Variants in HDAC9 observed in about 807,000 individuals in gnomAD.
HDAC9 encodes histone deacetylase 9.
A neutral mutation model predicts 139.4 loss-of-function variants in HDAC9; 41 were observed. The observed-to-expected ratio is 0.29, with a 90% CI of 0.23 to 0.38. The LOEUF is 0.38. Among genes scored for constraint, HDAC9 ranks in the 10% least tolerant of loss-of-function variants. The pLI, the probability that HDAC9 is intolerant of heterozygous loss-of-function variation, is 1.00. For synonymous variants in HDAC9, 517 were observed against 476.2 expected (o/e 1.09, Z -1.12); for missense variants, 1,147 against 1,297.0 (o/e 0.88, Z 1.78).
chr7:18,530,657 A>G (rs1563166865), intron 2 of HDAC9, among the ~76,000 whole-genome samples: 1 of 152,038 alleles, frequency 6.6e-6, no homozygotes, highest in Non-Finnish European at 1.5e-5. Context: ...GAAATAGGCT[A>G]TTGGTCATGC....
At chr7:18,270,639 A>G (rs549868671) in intron 2 of HDAC9, among the ~76,000 whole-genome samples, 2 of 152,326 alleles carry the variant, frequency 1.3e-5, no homozygotes, top group East Asian at 1.9e-4. Flanking sequence ...GTATGTGTAT[A>G]CATACGTAGT....
In HDAC9 at chr7:18,290,604, A is replaced by C. The variant is rs1026408291; in HGVS notation, c.-42+89A>C. On this transcript the variant is annotated intron_variant, in intron 1 of 3. Coordinates refer to the HDAC9 transcript ENST00000413509. Reference sequence around the variant, plus strand: ...AAGTCTGACTCTGCAAATCGTCTTTAATAACTTGTAGGCTGTGGAAAGATA... The same window carrying C: ...AAGTCTGACTCTGCAAATCGTCTTTCATAACTTGTAGGCTGTGGAAAGATA... 112 of 454,638 alleles carry C rather than the reference A, an allele frequency of 2.5e-4. 1 individual carries two copies. The highest frequency in any genetic ancestry group is 1.6e-4 in the Non-Finnish European group (36 of 226,132). 28.2% of individuals were successfully genotyped at this position (454,638 alleles called of 1,614,324 possible).
Position 18,727,749 on chromosome 7 carries a change from C to T in HDAC9, c.1901C>T (p.Ser634Phe). 1 of 1,524,676 alleles carries T rather than the reference C, an allele frequency of 6.6e-7. No homozygotes were observed. The highest frequency in any genetic ancestry group is 2.4e-5 in the East Asian group (1 of 41,212). The allele number at this position is 1,524,676 out of a possible 1,614,324, so 94.4% of individuals were successfully genotyped here. A position where few individuals can be genotyped will look rare whatever the true frequency, so the allele number is the denominator to read the frequency against. The stretch of plus-strand genomic sequence containing the variant: ...ATGGACCGCCCCCTCCAGCCTGGCT[C>T]TGCAACTGGTAGGAATCCCTAAAGA... ...PAMDRPLQPG[S>F]ATGIAYDPLM... Residue 634 changes from serine to phenylalanine, a missense_variant, in exon 13 of 26, where the codon TCT becomes TTT. Physicochemically the swap from Ser to Phe is radical, Grantham distance 155 (BLOSUM62 -2). Coordinates refer to ENST00000686413, the MANE Select transcript of HDAC9 (RefSeq NM_178425.4).
At chr7:18,109,028 G>A (rs1226485587) in intron 1 of HDAC9, among the ~76,000 whole-genome samples, 2 of 152,180 alleles carry the variant, frequency 1.3e-5, no homozygotes, top group Admixed American at 1.3e-4. Context: ...AAATTTAAAA[G>A]TTTCATGAAA....
intron 25 of HDAC9, among the ~76,000 whole-genome samples, chr7:18,989,171 C>T (rs935176869): frequency 6.7e-6 from 1 of 148,686 alleles, no homozygotes; most frequent in Non-Finnish European, 1.5e-5. Flanking sequence ...ATGGTCTTTA[C>T]ATTTTGGCAT....
At position 18,368,872 on chromosome 7, in the gene HDAC9, G is replaced by T. The variant is rs561091854; in HGVS notation, c.-42+78357G>T. Among the ~76,000 whole-genome samples, 14 of 152,096 alleles carry T rather than the reference G, an allele frequency of 9.2e-5. No homozygotes were observed. The South Asian group carries it at 2.9e-3, about 32-fold the overall frequency. On this transcript the variant is annotated intron_variant, in intron 1 of 3. Transcript: ENST00000413509. ...TGTAACTGATGAACTCACTATGTAG[G>T]CCACAGCCTGATGCTTGAATATATT...
chr7:18,988,504 A>G (rs979815386), intron 25 of HDAC9, among the ~76,000 whole-genome samples: 103 of 151,730 alleles, frequency 6.8e-4, no homozygotes, highest in African/African-American at 2.3e-3. Flanking sequence ...ATTTTGGAAT[A>G]GGTGTGGTGT....
intron 2 of HDAC9, among the ~76,000 whole-genome samples, chr7:18,568,814 G>A (rs1171810635): frequency 3.9e-5 from 6 of 152,080 alleles, no homozygotes; most frequent in South Asian, 2.1e-4. Flanking sequence ...TTGGGAGGCC[G>A]AGGCGGGTGG....
chr7:18,824,044 G>GAA lies in HDAC9; in HGVS notation c.2323-5117_2323-5116insAA, dbSNP rs1795197769. Among the ~76,000 whole-genome samples, 5 of 67,186 alleles carry GAA rather than the reference G, an allele frequency of 7.4e-5. No individual in the cohort carries two copies. In the East Asian group the frequency reaches 1.4e-3, roughly 19 times the overall value. The allele number at this position is 67,186 out of a possible 152,430, so 44.1% of individuals were successfully genotyped here. A position where few individuals can be genotyped will look rare whatever the true frequency, so the allele number is the denominator to read the frequency against. On this transcript the variant is annotated intron_variant, in intron 17 of 25. Coordinates refer to ENST00000686413, the MANE Select transcript of HDAC9 (RefSeq NM_178425.4). The stretch of plus-strand genomic sequence containing the variant: ...AAGAAGAGGAAGAGGAAGAGGAAGA[G>GAA]GAAGAAGAAGAAGAAGAAGAAGAAG...
At chr7:18,826,434 G>C (rs1293847272) in intron 17 of HDAC9, among the ~76,000 whole-genome samples, 1 of 152,118 alleles carries the variant, frequency 6.6e-6, no homozygotes, top group Non-Finnish European at 1.5e-5. Context: ...TGATATTCCT[G>C]AGAGCACAAT....
At chr7:18,590,205 C>A (rs1830556328) in intron 3 of HDAC9, 131 bp from the exon 4 acceptor site, 1 of 946,574 alleles carries the variant, frequency 1.1e-6, no homozygotes, top group Non-Finnish European at 1.6e-6. Context: ...CAATGATTTA[C>A]AGAAAAAGTG....
At chr7:18,913,075 T>C (rs1802879637) in intron 22 of HDAC9, among the ~76,000 whole-genome samples, 1 of 152,132 alleles carries the variant, frequency 6.6e-6, no homozygotes, top group African/African-American at 2.4e-5. Context: ...ATTTCTCTTT[T>C]GTGTCAGAGA....
At chr7:18,283,379 C>A (rs1797230456) in intron 2 of HDAC9, among the ~76,000 whole-genome samples, 1 of 152,132 alleles carries the variant, frequency 6.6e-6, no homozygotes, top group Non-Finnish European at 1.5e-5. Context: ...GCCCCTCCAC[C>A]AATATGTGAG....
intron 1 of HDAC9, among the ~76,000 whole-genome samples, chr7:18,457,445 T>C (rs2128107071): frequency 6.6e-6 from 1 of 152,340 alleles, no homozygotes; most frequent in East Asian, 1.9e-4. Context: ...TAAATTTGAT[T>C]TGCCTTCAAA....
Position 18,814,950 on chromosome 7 carries a change from A to G in HDAC9, c.2323-14211A>G, listed in dbSNP as rs114711730. On this transcript the variant is annotated intron_variant, in intron 17 of 25. Coordinates refer to ENST00000686413, the MANE Select transcript of HDAC9 (RefSeq NM_178425.4). The stretch of plus-strand genomic sequence containing the variant: ...TTTATAAATCTGATTGAAAATGTTT[A>G]TAGGTAACGAATGATGGTGAAAATA... Among the ~76,000 whole-genome samples, 497 of 152,270 alleles carry G rather than the reference A, an allele frequency of 3.3e-3. 3 individuals are homozygous for G. The highest frequency in any genetic ancestry group is 0.011 in the African/African-American group (467 of 41,560).
rs1360606826 is a variant in HDAC9 at position 18,619,196 on chromosome 7, A to G, written c.665-10154A>G. Among the ~76,000 whole-genome samples the G allele has an allele frequency of 3.3e-5, 5 of 152,140 alleles. No homozygotes were observed. The East Asian group carries it at 7.7e-4, about 23-fold the overall frequency. ...ATTTGTGATGCTTGCCAGAAAAGAG[A>G]AATTCCTTCTGCATTCCACATCTGA... On this transcript the variant is annotated intron_variant, in intron 6 of 25. Transcript: ENST00000686413.
chr7:18,697,211 T>C (rs953643086), intron 12 of HDAC9, among the ~76,000 whole-genome samples: 2 of 152,202 alleles, frequency 1.3e-5, no homozygotes, highest in East Asian at 1.9e-4. Context: ...GATCACATCC[T>C]GGCAGATGAG....
chr7:18,465,858 G>A (rs1270965557), intron 1 of HDAC9, among the ~76,000 whole-genome samples: 1 of 152,078 alleles, frequency 6.6e-6, no homozygotes. Context: ...TTTTTCTAAT[G>A]TGGAGATATA....
At chr7:18,381,699 C>G (rs1022664562) in intron 1 of HDAC9, among the ~76,000 whole-genome samples, 2 of 151,762 alleles carry the variant, frequency 1.3e-5, no homozygotes, top group Non-Finnish European at 2.9e-5. Flanking sequence ...ATAAAAATAA[C>G]TTAAATAATA....
Sources: allele counts gnomAD v4.1 joint callset (sites outside exome capture counted in the v4.1 genomes callset), GRCh38; gene constraint gnomAD v4.1.1; transcripts MANE v1.5; gene names NCBI Gene and HGNC (gene_info 2026-07-23, HGNC 2026-07-21).